The following CDK8 variants were observed in gnomAD, a reference collection of about 807,000 sequenced individuals.
CDK8 encodes the protein cyclin-dependent kinase 8.
A neutral mutation model predicts 71.5 loss-of-function variants in CDK8; 29 were observed. The ratio of observed to expected loss-of-function variants is 0.41; its 90% confidence interval spans 0.30 to 0.55. The LOEUF (loss-of-function observed/expected upper bound fraction) is 0.55, where lower values mean the gene tolerates loss of function less well. Among genes scored for constraint, CDK8 ranks in the 20% least tolerant of loss-of-function variants. The pLI is 0.37. For synonymous variants in CDK8, 161 were observed against 192.1 expected, an observed-to-expected ratio of 0.84 and a Z score of 1.34; for missense variants, 288 against 572.6, an observed-to-expected ratio of 0.50 and a Z score of 5.07.
At chr13:26,388,908 C>T (rs2138056129) in intron 6 of CDK8, among the ~76,000 whole-genome samples, 1 of 152,178 alleles carries the variant, frequency 6.6e-6, no homozygotes, top group Non-Finnish European at 1.5e-5. Context: ...TTAGGAGGAC[C>T]AAATATGAAT....
chr13:26,288,743 T>G (rs1450040519), intron 1 of CDK8, among the ~76,000 whole-genome samples: 1 of 151,968 alleles, frequency 6.6e-6, no homozygotes, highest in Non-Finnish European at 1.5e-5. Flanking sequence ...GGACTTTCAT[T>G]TCTCCAAGCT....
chr13:26,325,105 A>G (rs1456410940), intron 1 of CDK8, among the ~76,000 whole-genome samples: 1 of 152,202 alleles, frequency 6.6e-6, no homozygotes, highest in African/African-American at 2.4e-5. Context: ...ACTTGAAAGT[A>G]ATTCCTGTTG....
chr13:26,300,689 A>T (rs1303627363), intron 1 of CDK8, among the ~76,000 whole-genome samples: 1 of 152,164 alleles, frequency 6.6e-6, no homozygotes, highest in Non-Finnish European at 1.5e-5. Context: ...GAAATTTAAG[A>T]TCCTTGAGGT....
chr13:26,380,064 CA>C (rs2138041703), intron 4 of CDK8, among the ~76,000 whole-genome samples: 1 of 152,292 alleles, frequency 6.6e-6, no homozygotes, highest in East Asian at 1.9e-4. Flanking sequence ...CAGTGGGATG[CA>C]GGGGAAGGCA....
intron 4 of CDK8, among the ~76,000 whole-genome samples, chr13:26,357,729 A>G (rs1217477262): frequency 6.6e-6 from 1 of 152,236 alleles, no homozygotes; most frequent in Non-Finnish European, 1.5e-5. Flanking sequence ...TCTGCAGAGC[A>G]GGCTACAGGC....
chr13:26,290,730 T>G (rs1593242561), intron 1 of CDK8, among the ~76,000 whole-genome samples: 2 of 152,300 alleles, frequency 1.3e-5, no homozygotes, highest in Admixed American at 1.3e-4. Flanking sequence ...AAAAAACATT[T>G]TTTAAAGAAG....
chr13:26,374,956 AT>A (rs548393291), intron 4 of CDK8, among the ~76,000 whole-genome samples: 1 of 151,906 alleles, frequency 6.6e-6, no homozygotes, highest in East Asian at 1.9e-4. Flanking sequence ...TTTTCAAGGC[AT>A]TTTTTTTAAA....
Position 26,404,404 on chromosome 13 carries a change from A to G in CDK8, c.*323A>G, listed in dbSNP as rs1876417250. ...TAGCAGTTGAAGCTGTGAATGTGCT[A>G]GGGGCAAGCATTTGTCTTTGTATGT... On this transcript the variant is annotated 3_prime_UTR_variant, in exon 13 of 13. Coordinates refer to ENST00000381527, the MANE Select transcript of CDK8 (RefSeq NM_001260.3). 1 of 290,388 alleles carries G rather than the reference A, an allele frequency of 3.4e-6. No individual in the cohort carries two copies. The highest frequency in any genetic ancestry group is 8.8e-5 in the South Asian group (1 of 11,316). The allele number at this position is 290,388 out of a possible 1,614,324, so 18.0% of individuals were successfully genotyped here.
chr13:26,292,576 G>A (rs2137903815), intron 1 of CDK8, among the ~76,000 whole-genome samples: 1 of 152,178 alleles, frequency 6.6e-6, no homozygotes, highest in East Asian at 1.9e-4. Flanking sequence ...TTGCCATATA[G>A]CTAAGCCCAT....
chr13:26,367,051 CTTG>C (rs536392690), intron 4 of CDK8, among the ~76,000 whole-genome samples: 294 of 152,228 alleles, frequency 1.9e-3, no homozygotes, highest in African/African-American at 6.8e-3. Flanking sequence ...TTAGAGTAAA[CTTG>C]TTGTTACACA....
Position 26,401,462 on chromosome 13 carries a change from T to G in CDK8, c.1111-4T>G. On this transcript the variant is annotated splice_region_variant and splice_polypyrimidine_tract_variant and intron_variant, in intron 11 of 12. Transcript: ENST00000381527. This position sits in a 1 kb window ranked among gnomAD's most constrained non-coding sequence, Gnocchi z 4.5. ...GCTGAACTTTTTCTGTTTAACCAAT[T>G]GAGAAGAACCAGCAGCAGCAGCAGG... 6.2e-7 allele frequency: 1 copy of G among 1,614,058 alleles called. No individual in the cohort carries two copies. The highest frequency in any genetic ancestry group is 2.2e-5 in the East Asian group (1 of 44,868).
At chr13:26,312,003 A>G (rs771117792) in intron 1 of CDK8, among the ~76,000 whole-genome samples, 6 of 152,192 alleles carry the variant, frequency 3.9e-5, no homozygotes, top group Non-Finnish European at 5.9e-5. Flanking sequence ...AATACTTGTC[A>G]CTGCCTTGTG....
In CDK8 at chr13:26,401,553, C is replaced by G; in HGVS notation, c.1198C>G (p.Pro400Ala). Reference sequence around the variant, plus strand: ...AGACAGCAGTCACACACAGGGACCCCCGTTGAAGAAAGTGAGAGTTGTTCC... The same window carrying G: ...AGACAGCAGTCACACACAGGGACCCGCGTTGAAGAAAGTGAGAGTTGTTCC... ...NQDSSHTQGPPLKKVRVVPPT... is the reference protein window; with the variant it reads ...NQDSSHTQGPALKKVRVVPPT... Residue 400 changes from proline (P) to alanine (A), a missense_variant, in exon 12 of 13, where the codon CCG becomes GCG. Pro to Ala is a conservative substitution (Grantham distance 27, BLOSUM62 -1). Coordinates refer to ENST00000381527, the MANE Select transcript of CDK8 (RefSeq NM_001260.3). This position sits in a 1 kb window ranked among gnomAD's most constrained non-coding sequence, Gnocchi z 4.5. 1 of 1,614,154 alleles carries G rather than the reference C, an allele frequency of 6.2e-7. No individual in the cohort carries two copies. Among genetic ancestry groups the G allele is most frequent in the Non-Finnish European group, 8.5e-7 (1 of 1,180,020 alleles).
chr13:26,385,467 G>T, intron 6 of CDK8, 125 bp downstream of exon 6: 1 of 715,750 alleles, frequency 1.4e-6, no homozygotes, highest in Non-Finnish European at 2.1e-6. Context: ...GAGTGTGATG[G>T]CTCATGCCTG....
At chr13:26,402,496 G>A (rs1242973432) in intron 12 of CDK8, among the ~76,000 whole-genome samples, 1 of 152,196 alleles carries the variant, frequency 6.6e-6, no homozygotes. Flanking sequence ...AGAAAGAGAT[G>A]TTATTAAACT....
intron 1 of CDK8, among the ~76,000 whole-genome samples, chr13:26,322,984 A>G (rs1403212448): frequency 2.0e-5 from 3 of 152,114 alleles, no homozygotes; most frequent in Non-Finnish European, 4.4e-5. Flanking sequence ...CGGTAGTTCC[A>G]TTTAACTGGA....
At chr13:26,333,048 C>T (rs1367516165) in intron 1 of CDK8, among the ~76,000 whole-genome samples, 2 of 152,172 alleles carry the variant, frequency 1.3e-5, no homozygotes, top group African/African-American at 4.8e-5. Context: ...ACCGTTGATT[C>T]TGCGTCCTCA....
At chr13:26,276,042 T>C (rs893680573) in intron 1 of CDK8, among the ~76,000 whole-genome samples, 3 of 152,096 alleles carry the variant, frequency 2.0e-5, no homozygotes, top group Non-Finnish European at 2.9e-5. Flanking sequence ...TTTGTATTTT[T>C]AGTATAGATG....
chr13:26,395,789 T>C (rs1310013353), intron 7 of CDK8, among the ~76,000 whole-genome samples: 1 of 152,132 alleles, frequency 6.6e-6, no homozygotes, highest in Non-Finnish European at 1.5e-5. Context: ...CTTCCATTGA[T>C]TGCTTATGTA....
Sources: allele counts gnomAD v4.1 joint callset (sites outside exome capture counted in the v4.1 genomes callset), GRCh38; gene constraint gnomAD v4.1.1; non-coding constraint Gnocchi (gnomAD v3.1); transcripts MANE v1.5; gene names NCBI Gene and HGNC (gene_info 2026-07-23, HGNC 2026-07-21).